C1QBP: variants seen among roughly 807,000 people sequenced by gnomAD.
C1QBP encodes complement component 1 Q subcomponent-binding protein, mitochondrial.
In C1QBP, 24 loss-of-function variants were observed where a neutral mutation model predicts 29.4. That is an observed-to-expected ratio of 0.82 (90% CI 0.59 to 1.15). The LOEUF (loss-of-function observed/expected upper bound fraction) is 1.15. C1QBP is among the 50% of genes most tolerant of loss of function. The pLI is 0.00. For missense variants in C1QBP, 337 were observed against 355.8 expected, an observed-to-expected ratio of 0.95 and a Z score of 0.43; for synonymous variants, 182 against 149.2, an observed-to-expected ratio of 1.22 and a Z score of -1.60.
rs578087503 is a variant in C1QBP, at chr17:5,435,350, AC to A, written c.384-385del. Among the ~76,000 whole-genome samples the A allele has an allele frequency of 4.1e-3, 621 of 152,326 alleles. 3 individuals carry two copies. Among genetic ancestry groups the A allele is most frequent in the Non-Finnish European group, 7.2e-3 (487 of 68,028 alleles). Reference sequence around the variant, plus strand: ...CTGCCCACCCTGGTCTTTCCAGGGAACCCTTGGTCAAAGTAAGGACCTGAGA... The same window carrying A: ...CTGCCCACCCTGGTCTTTCCAGGGAACCTTGGTCAAAGTAAGGACCTGAGA... On this transcript the variant is annotated intron_variant, in intron 2 of 5. Transcript: ENST00000225698.
Position 5,432,917 on chromosome 17 carries a change from G to T in C1QBP, c.*98C>A. 7.3e-7 allele frequency: 1 copy of T among 1,377,164 alleles called. No individual in the cohort carries two copies. The highest frequency in any genetic ancestry group is 9.8e-7 in the Non-Finnish European group (1 of 1,017,632). The allele number at this position is 1,377,164 out of a possible 1,614,324, so 85.3% of individuals were successfully genotyped here. A position where few individuals can be genotyped will look rare whatever the true frequency, so the allele number is the denominator to read the frequency against. ...GGTATTTTTTCCCCCATGATATTAG[G>T]ATGATAATCATTTCAAAGCACATGT... On this transcript the variant is annotated 3_prime_UTR_variant, in exon 6 of 6. Transcript: ENST00000225698.
intron 2 of C1QBP, among the ~76,000 whole-genome samples, chr17:5,436,967 A>G (rs1916289761): frequency 6.6e-6 from 1 of 152,132 alleles, no homozygotes; most frequent in Non-Finnish European, 1.5e-5. Context: ...AGATCGCACC[A>G]CTGCACTCCA....
chr17:5,432,871 C>A lies in C1QBP; in HGVS notation c.*144G>T. 1 of 1,037,814 alleles carries A rather than the reference C, an allele frequency of 9.6e-7. No homozygotes were observed. Among genetic ancestry groups the A allele is most frequent in the Non-Finnish European group, 1.3e-6 (1 of 743,698 alleles). 64.3% of individuals were successfully genotyped at this position (1,037,814 alleles called of 1,614,324 possible). A position where few individuals can be genotyped will look rare whatever the true frequency, so the allele number is the denominator to read the frequency against. ...AAAAAAATGATAATAAATGAGAACA[C>A]AAAACATATAATTTAAATTTGGTAT... On this transcript the variant is annotated 3_prime_UTR_variant, in exon 6 of 6. Transcript: ENST00000225698.
intron 2 of C1QBP, among the ~76,000 whole-genome samples, chr17:5,435,575 A>G (rs1163914278): frequency 6.6e-6 from 1 of 152,156 alleles, no homozygotes; most frequent in African/African-American, 2.4e-5. Flanking sequence ...AAGTTTCATA[A>G]TCACAAAGCA....
At chr17:5,434,715 C>T (rs1324882612) in intron 3 of C1QBP, 158 bp downstream of exon 3, 1 of 539,672 alleles carries the variant, frequency 1.9e-6, no homozygotes, top group East Asian at 3.1e-5. Context: ...ATCTGCCCGT[C>T]TCGGCCTCCC....
Position 5,439,084 on chromosome 17 carries a change from A to T in C1QBP, c.-11T>A, listed in dbSNP as rs1229268349. On this transcript the variant is annotated 5_prime_UTR_variant, in exon 1 of 6. Coordinates refer to ENST00000225698, the MANE Select transcript of C1QBP (RefSeq NM_001212.4). The stretch of plus-strand genomic sequence containing the variant: ...CAGCAGAGGCAGCATCGCGGAAACG[A>T]CTGCGAACACGTGCAGATGCAAAGG... 1.3e-6 allele frequency: 2 copies of T among 1,540,356 alleles called. No individual in the cohort carries two copies. The highest frequency in any genetic ancestry group is 8.7e-7 in the Non-Finnish European group (1 of 1,143,204).
Position 5,433,292 on chromosome 17 carries a change from C to T in C1QBP, c.699+1G>A, listed in dbSNP as rs1567591115. 6.2e-7 allele frequency: 1 copy of T among 1,614,222 alleles called. No individual in the cohort carries two copies. The highest frequency in any genetic ancestry group is 8.5e-7 in the Non-Finnish European group (1 of 1,180,042). On this transcript the variant is annotated splice_donor_variant, in intron 5 of 5. Transcript: ENST00000225698. LOFTEE classifies it high-confidence loss of function. ...GTTCCCCCACCTTATCAAGCACTCACCCAGTCCAAGGAATCTGTGTTGAGT... is the reference window on the plus strand; with the variant it reads ...GTTCCCCCACCTTATCAAGCACTCATCCAGTCCAAGGAATCTGTGTTGAGT...
intron 3 of C1QBP, chr17:5,434,130 T>C (rs1020565499): frequency 4.4e-6 from 1 of 228,826 alleles, no homozygotes; most frequent in Non-Finnish European, 8.7e-6. Context: ...GGAGTCTTCA[T>C]AAGGGACCAG....
At chr17:5,433,930 C>T (rs1018767644) in intron 3 of C1QBP, 163 bp from the exon 4 acceptor site, 10 of 656,214 alleles carry the variant, frequency 1.5e-5, no homozygotes, top group Admixed American at 2.6e-5. Context: ...CTTGATCTCA[C>T]TTCTGTTGGC....
chr17:5,433,726 T>C lies in C1QBP; in HGVS notation c.519A>G (p.Ile173Met), dbSNP rs1162518007. The C allele has an allele frequency of 6.2e-7, 1 of 1,614,240 alleles. No individual in the cohort carries two copies. Residue 173 changes from isoleucine to methionine, a missense_variant, in exon 4 of 6, where the codon ATA (isoleucine) becomes ATG (methionine). Physicochemically the swap from Ile to Met is conservative, Grantham distance 10. Coordinates refer to ENST00000225698, the MANE Select transcript of C1QBP (RefSeq NM_001212.4). Reference protein sequence around the residue: ...TSTPNFVVEVIKNDDGKKALV... With the variant: ...TSTPNFVVEVMKNDDGKKALV... ...GGGCCTTCTTGCCATCATCATTCTT[T>C]ATAACTTCAACCACGAAATTGGGAG...
intron 3 of C1QBP, chr17:5,434,150 C>T: frequency 5.0e-6 from 1 of 200,226 alleles, no homozygotes; most frequent in Non-Finnish European, 1.0e-5. Context: ...GGGTCAAAGG[C>T]TGGGGAACCT....
In C1QBP at chr17:5,439,110, A is replaced by C; in HGVS notation, c.-37T>G. On this transcript the variant is annotated 5_prime_UTR_variant, in exon 1 of 6. Transcript: ENST00000225698. ...CTGCGAACACGTGCAGATGCAAAGG[A>C]CAACCCAGGCCTAGGCGCCCCGCGA... The C allele has an allele frequency of 1.3e-6, 2 of 1,539,010 alleles. No individual in the cohort carries two copies. The highest frequency in any genetic ancestry group is 1.8e-6 in the Non-Finnish European group (2 of 1,142,596).
chr17:5,438,927 G>A lies in C1QBP; in HGVS notation c.147C>T (p.Arg49=). 4 of 1,536,218 alleles carry A rather than the reference G, an allele frequency of 2.6e-6. No homozygotes were observed. The highest frequency in any genetic ancestry group is 1.4e-5 in the African/African-American group (1 of 71,272). ...CTRPFGLLSV[R]AGSERRPGLL... ...GGCCCGGCCGCCGCTCGGAACCTGC[G>A]CGCACGCTGAGCAGCCCGAAGGGCC... The change falls in exon 1 of 6, where the codon CGC becomes CGT. Residue 49 remains arginine (R), a synonymous_variant. Coordinates refer to ENST00000225698, the MANE Select transcript of C1QBP (RefSeq NM_001212.4).
chr17:5,434,104 C>A, intron 3 of C1QBP: 1 of 309,018 alleles, frequency 3.2e-6, no homozygotes, highest in Non-Finnish European at 6.2e-6. Context: ...GATCTCTTTC[C>A]AGCTTGACTG....
At chr17:5,437,981 G>C in intron 2 of C1QBP, 142 bp downstream of exon 2, 2 of 1,192,104 alleles carry the variant, frequency 1.7e-6, no homozygotes, top group Non-Finnish European at 2.3e-6. Context: ...TTACGAAGTT[G>C]TCCAAATGAA....
chr17:5,438,135 A>C lies in C1QBP; in HGVS notation c.371T>G (p.Val124Gly). The C allele has an allele frequency of 6.2e-7, 1 of 1,612,214 alleles. No individual in the cohort carries two copies. The highest frequency in any genetic ancestry group is 8.5e-7 in the Non-Finnish European group (1 of 1,179,940). ...NGTEAKLVRK[V>G]AGEKITVTFN... ...GACCAGTACTTACTTTTCCCCGGCA[A>C]CTTTCCGCACTAATTTCGCTTCTGT... Residue 124 changes from valine to glycine, a missense_variant, in exon 2 of 6, where the codon GTT becomes GGT. Transcript: ENST00000225698.
chr17:5,438,015 T>A, intron 2 of C1QBP, 108 bp downstream of exon 2: 1 of 1,391,030 alleles, frequency 7.2e-7, no homozygotes, highest in Non-Finnish European at 9.6e-7. Flanking sequence ...TGAAACCCAT[T>A]TATCAAAGTA....
intron 2 of C1QBP, among the ~76,000 whole-genome samples, chr17:5,437,405 C>T (rs938421339): frequency 6.6e-6 from 1 of 152,202 alleles, no homozygotes; most frequent in Non-Finnish European, 1.5e-5. Flanking sequence ...GGCGCGATCT[C>T]GACTCACTGC....
chr17:5,438,498 C>A (rs1469391242), intron 1 of C1QBP: 2 of 699,004 alleles, frequency 2.9e-6, no homozygotes, highest in African/African-American at 3.6e-5. Context: ...TTACCACTTT[C>A]CGCTATAAAC....
Sources: gnomAD v4.1 joint callset for allele counts (sites outside exome capture counted in the v4.1 genomes callset) on GRCh38, gnomAD v4.1.1 for gene constraint, MANE v1.5 for transcripts, NCBI Gene and HGNC (gene_info 2026-07-23, HGNC 2026-07-21) for gene names.